The following PCDH9 variants were observed in gnomAD, a reference collection of about 807,000 sequenced individuals.
PCDH9 encodes protocadherin-9.
PCDH9 carries 24 observed loss-of-function variants against 70.6 expected under a neutral mutation model. That is an observed-to-expected ratio of 0.34 (90% CI 0.25 to 0.48). The LOEUF (loss-of-function observed/expected upper bound fraction) is 0.48. PCDH9 is among the 20% of genes least tolerant of loss of function. PCDH9 has a pLI of 0.99. For synonymous variants in PCDH9, 562 were observed against 558.5 expected, an observed-to-expected ratio of 1.01 and a Z score of -0.09; for missense variants, 1,281 against 1,503.6, an observed-to-expected ratio of 0.85 and a Z score of 2.45.
chr13:66,304,901 A>G lies in PCDH9; in HGVS notation c.3468T>C (p.Ser1156=). The change falls in exon 5 of 5, where the codon TCT becomes TCC. Residue 1156 remains serine, a synonymous_variant. Coordinates refer to ENST00000377865, the MANE Select transcript of PCDH9 (RefSeq NM_203487.3). ...TCTGGGGTGCAAAGGTTGAGAGAGG[A>G]GATTTGGGGTGTTGATATGGACCCA... is the stretch of plus-strand genomic sequence containing the variant. The part of the protein sequence containing the change: ...PGLGPYQHPK[S]PLSTFAPQKE... 2 of 1,613,492 alleles carry G rather than the reference A, an allele frequency of 1.2e-6. No individual in the cohort carries two copies. The highest frequency in any genetic ancestry group is 1.7e-6 in the Non-Finnish European group (2 of 1,179,728).
chr13:66,691,042 A>G (rs2139083681), intron 3 of PCDH9, among the ~76,000 whole-genome samples: 1 of 152,034 alleles, frequency 6.6e-6, no homozygotes, highest in South Asian at 2.1e-4. Context: ...TTATTTATTT[A>G]TTTTATTTAT....
At chr13:66,600,483 C>G (rs1454673072) in intron 4 of PCDH9, among the ~76,000 whole-genome samples, 1 of 151,856 alleles carries the variant, frequency 6.6e-6, no homozygotes, top group African/African-American at 2.4e-5. Flanking sequence ...ATAATACAAA[C>G]TAAAAGTACA....
intron 2 of PCDH9, chr13:67,206,183 T>A (rs1468588179): frequency 6.6e-6 from 1 of 152,324 alleles, no homozygotes; most frequent in African/African-American, 2.4e-5. Context: ...TTGCTTGTTT[T>A]GAGACAGAGT....
intron 3 of PCDH9, among the ~76,000 whole-genome samples, chr13:66,633,562 T>C (rs1038720120): frequency 6.6e-6 from 1 of 152,180 alleles, no homozygotes; most frequent in African/African-American, 2.4e-5. Context: ...TGGATGACTG[T>C]CAAACATAGC....
intron 4 of PCDH9, among the ~76,000 whole-genome samples, chr13:66,626,776 T>C (rs1383488238): frequency 6.6e-6 from 1 of 152,234 alleles, no homozygotes; most frequent in Non-Finnish European, 1.5e-5. Context: ...TATCAATTAT[T>C]GCTTAATTTG....
intron 3 of PCDH9, among the ~76,000 whole-genome samples, chr13:66,737,849 C>T (rs1263123061): frequency 1.3e-5 from 2 of 152,132 alleles, no homozygotes; most frequent in African/African-American, 2.4e-5. Flanking sequence ...GGTCCTACGC[C>T]CATGGAATCT....
intron 4 of PCDH9, among the ~76,000 whole-genome samples, chr13:66,340,288 A>G (rs1187074510): frequency 1.3e-5 from 2 of 152,122 alleles, no homozygotes; most frequent in African/African-American, 2.4e-5. Context: ...GAGGCTAGCA[A>G]TTTTCCTCAG....
intron 2 of PCDH9, among the ~76,000 whole-genome samples, chr13:67,165,606 T>C (rs1383990429): frequency 6.6e-6 from 1 of 152,148 alleles, no homozygotes; most frequent in African/African-American, 2.4e-5. Flanking sequence ...CTATCTTTTA[T>C]GTATCTATCT....
At chr13:66,436,000 T>C (rs1957862686) in intron 4 of PCDH9, among the ~76,000 whole-genome samples, 1 of 152,168 alleles carries the variant, frequency 6.6e-6, no homozygotes. Context: ...AAGAGGATTA[T>C]TTTTCAAAAT....
chr13:67,181,540 G>T (rs557343018), intron 2 of PCDH9, among the ~76,000 whole-genome samples: 3 of 152,102 alleles, frequency 2.0e-5, no homozygotes, highest in Admixed American at 6.5e-5. Context: ...TGCTAATATG[G>T]TATGACATAA....
chr13:67,195,685 T>C (rs1160561711), intron 2 of PCDH9, among the ~76,000 whole-genome samples: 1 of 152,130 alleles, frequency 6.6e-6, no homozygotes, highest in Non-Finnish European at 1.5e-5. Flanking sequence ...ATTATAATGA[T>C]ATTTAAAGGT....
intron 3 of PCDH9, among the ~76,000 whole-genome samples, chr13:66,837,702 A>C (rs1220509110): frequency 6.6e-6 from 1 of 152,180 alleles, no homozygotes; most frequent in Non-Finnish European, 1.5e-5. Flanking sequence ...AAAAAGTGCA[A>C]AATATTTCAA....
chr13:67,049,867 G>A (rs2085290653), intron 2 of PCDH9, among the ~76,000 whole-genome samples: 1 of 152,164 alleles, frequency 6.6e-6, no homozygotes, highest in African/African-American at 2.4e-5. Context: ...ACTGCATGCA[G>A]CCAAATATTT....
chr13:67,081,126 T>C (rs2085974608), intron 2 of PCDH9, among the ~76,000 whole-genome samples: 1 of 152,202 alleles, frequency 6.6e-6, no homozygotes, highest in South Asian at 2.1e-4. Flanking sequence ...TCAATGTTGT[T>C]CAATTTATTA....
intron 2 of PCDH9, among the ~76,000 whole-genome samples, chr13:67,137,859 T>C (rs574767029): frequency 2.0e-5 from 3 of 152,240 alleles, no homozygotes; most frequent in Admixed American, 2.0e-4. Flanking sequence ...AAAAAGCACA[T>C]CTCAAAAATG....
At position 66,767,711 on chromosome 13, in the gene PCDH9, C is replaced by T. The variant is rs180847867; in HGVS notation, c.3138+135793G>A. Among the ~76,000 whole-genome samples, 165 of 152,172 alleles carry T rather than the reference C, an allele frequency of 1.1e-3. 3 individuals are homozygous for T. The highest frequency in any genetic ancestry group is 3.8e-3 in the African/African-American group (158 of 41,534). ...GATAGAATAATTCTATTGAACTCTG[C>T]TCAATATGCCTTTTTTCCTGAAGTA... On this transcript the variant is annotated intron_variant, in intron 3 of 4. Transcript: ENST00000377865.
At chr13:67,091,549 G>A (rs2138212355) in intron 2 of PCDH9, among the ~76,000 whole-genome samples, 1 of 152,256 alleles carries the variant, frequency 6.6e-6, no homozygotes, top group Middle Eastern at 3.4e-3. Context: ...GGCAGCCACA[G>A]CCTTTGAATT....
chr13:67,214,851 C>T (rs2089552627), intron 2 of PCDH9: 1 of 146,680 alleles, frequency 6.8e-6, no homozygotes, highest in South Asian at 2.2e-4. Flanking sequence ...AATGTGCAAA[C>T]ATCTGTCAAT....
At chr13:66,415,318 T>G (rs1269701753) in intron 4 of PCDH9, among the ~76,000 whole-genome samples, 1 of 152,146 alleles carries the variant, frequency 6.6e-6, no homozygotes, top group Non-Finnish European at 1.5e-5. Context: ...GTGTTTATAA[T>G]GAAAACAGTA....
Sources: allele counts gnomAD v4.1 joint callset (sites outside exome capture counted in the v4.1 genomes callset), GRCh38; gene constraint gnomAD v4.1.1; transcripts MANE v1.5; gene names NCBI Gene and HGNC (gene_info 2026-07-23, HGNC 2026-07-21).